RARB: variants seen among roughly 807,000 people sequenced by gnomAD.
RARB encodes retinoic acid receptor beta.
A neutral mutation model predicts 51.9 loss-of-function variants in RARB; 17 were observed. The ratio of observed to expected loss-of-function variants is 0.33; its 90% CI spans 0.22 to 0.49. RARB has a LOEUF of 0.49. RARB is among the 20% of genes least tolerant of loss of function. The pLI, the probability that RARB is intolerant of heterozygous loss-of-function variation, is 0.99. For missense variants in RARB, 369 were observed against 550.8 expected, an observed-to-expected ratio of 0.67 and a Z score of 3.30; for synonymous variants, 215 against 195.4, an observed-to-expected ratio of 1.10 and a Z score of -0.84.
At chr3:25,490,061 A>G (rs1177512533) in intron 2 of RARB, among the ~76,000 whole-genome samples, 1 of 152,218 alleles carries the variant, frequency 6.6e-6, no homozygotes, top group Non-Finnish European at 1.5e-5. Flanking sequence ...GCAGAAGGCT[A>G]CATCCAATAA....
chr3:24,844,313 G>T (rs1369113702), intron 1 of RARB, among the ~76,000 whole-genome samples: 1 of 152,210 alleles, frequency 6.6e-6, no homozygotes, highest in Non-Finnish European at 1.5e-5. Context: ...GCCTGGCAAG[G>T]CTGGTGCCAC....
chr3:25,147,058 G>C (rs1390745441), intron 4 of RARB, among the ~76,000 whole-genome samples: 1 of 152,132 alleles, frequency 6.6e-6, no homozygotes, highest in Non-Finnish European at 1.5e-5. Flanking sequence ...CTCTCCAGAT[G>C]ATTCTAGTGA....
chr3:24,902,444 A>G (rs780302829), intron 2 of RARB, among the ~76,000 whole-genome samples: 1 of 152,118 alleles, frequency 6.6e-6, no homozygotes, highest in Non-Finnish European at 1.5e-5. Context: ...GAAGAAAGGA[A>G]GAGTTTTCAC....
chr3:25,400,127 T>C (rs1269373522), intron 5 of RARB, among the ~76,000 whole-genome samples: 2 of 152,174 alleles, frequency 1.3e-5, no homozygotes, highest in East Asian at 1.9e-4. Flanking sequence ...CAGATCATTC[T>C]TGATTGTGCA....
intron 5 of RARB, among the ~76,000 whole-genome samples, chr3:25,311,682 A>G (rs1410394577): frequency 6.6e-6 from 1 of 152,206 alleles, no homozygotes; most frequent in Non-Finnish European, 1.5e-5. Context: ...TGTTCAGAGA[A>G]GGGAAATATG....
intron 2 of RARB, among the ~76,000 whole-genome samples, chr3:25,019,463 G>A (rs1697581286): frequency 6.6e-6 from 1 of 152,026 alleles, no homozygotes; most frequent in Admixed American, 6.6e-5. Context: ...CTATGAGAGT[G>A]CCAGTGATGC....
chr3:25,362,899 C>G (rs1278199554), intron 5 of RARB, among the ~76,000 whole-genome samples: 3 of 152,192 alleles, frequency 2.0e-5, no homozygotes, highest in Non-Finnish European at 2.9e-5. Flanking sequence ...GAGCTGCAGA[C>G]TGGAGCTGTT....
intron 3 of RARB, among the ~76,000 whole-genome samples, chr3:25,502,726 C>A (rs1697379267): frequency 6.6e-6 from 1 of 152,150 alleles, no homozygotes; most frequent in Non-Finnish European, 1.5e-5. Context: ...CAGGAGTACC[C>A]TTCCCTCCAT....
intron 2 of RARB, among the ~76,000 whole-genome samples, chr3:24,960,413 A>AT (rs957231286): frequency 1.3e-5 from 2 of 152,114 alleles, no homozygotes; most frequent in African/African-American, 4.8e-5. Context: ...CACTGAAAAT[A>AT]TTTTCTCCCA....
intron 2 of RARB, among the ~76,000 whole-genome samples, chr3:24,898,460 G>T (rs1703526591): frequency 6.6e-6 from 1 of 151,710 alleles, no homozygotes; most frequent in Admixed American, 6.6e-5. Flanking sequence ...TTTAATATTT[G>T]TTACATGATT....
intron 4 of RARB, among the ~76,000 whole-genome samples, chr3:25,146,511 G>GTTTTTTTTT (rs1197635626): frequency 1.5e-5 from 2 of 134,520 alleles, no homozygotes; most frequent in Non-Finnish European, 1.6e-5. Context: ...TTGTTTGTTT[G>GTTTTTTTTT]TTTTTTTTTT....
chr3:24,953,618 TGATA>T (rs1695945789), intron 2 of RARB, among the ~76,000 whole-genome samples: 1 of 152,202 alleles, frequency 6.6e-6, no homozygotes, highest in Non-Finnish European at 1.5e-5. Flanking sequence ...GATAGCTAGA[TGATA>T]GATAGACACT....
At chr3:25,104,266 A>G (rs1406793002) in intron 3 of RARB, among the ~76,000 whole-genome samples, 1 of 152,296 alleles carries the variant, frequency 6.6e-6, no homozygotes, top group African/African-American at 2.4e-5. Context: ...GCACCCATAC[A>G]TTGTTGATGG....
chr3:25,077,474 G>T (rs1603990), intron 3 of RARB, among the ~76,000 whole-genome samples: 109,423 of 151,972 alleles, frequency 0.72, 40,175 homozygotes, highest in East Asian at 0.84. Flanking sequence ...TGTATCTATC[G>T]CAGTATAATA....
intron 5 of RARB, among the ~76,000 whole-genome samples, chr3:25,264,771 C>T (rs144074342): frequency 6.6e-6 from 1 of 152,116 alleles, no homozygotes; most frequent in Admixed American, 6.6e-5. Flanking sequence ...TGTATACACA[C>T]TTTTCTCCTT....
intron 3 of RARB, among the ~76,000 whole-genome samples, chr3:25,067,350 C>CTAGAGAA: frequency 6.6e-6 from 1 of 152,102 alleles, no homozygotes; most frequent in East Asian, 1.9e-4. Flanking sequence ...ACTTGGAAAA[C>CTAGAGAA]TAGAGAATAT....
intron 5 of RARB, among the ~76,000 whole-genome samples, chr3:25,381,059 A>G (rs1012316825): frequency 4.0e-5 from 6 of 151,448 alleles, no homozygotes; most frequent in Admixed American, 6.6e-5. Flanking sequence ...CCGTTTTTCT[A>G]TTTGTCAAGT....
At chr3:25,496,020 A>C (rs1697012673) in intron 2 of RARB, among the ~76,000 whole-genome samples, 1 of 152,340 alleles carries the variant, frequency 6.6e-6, no homozygotes, top group Non-Finnish European at 1.5e-5. Flanking sequence ...TGTGTCTGCT[A>C]CTAACAGCTG....
In RARB at chr3:25,293,923, C is replaced by T. The variant is rs188261788; in HGVS notation, c.178+119348C>T. 2.8e-4 allele frequency among the ~76,000 whole-genome samples: 42 copies of T among 152,290 alleles called. No individual in the cohort carries two copies. The East Asian group carries it at 7.7e-3, about 28-fold the overall frequency. On this transcript the variant is annotated intron_variant, in intron 5 of 11. Coordinates refer to the RARB transcript ENST00000383772. ...TGTGTCGTAACTGGGAGTGGCTACT[C>T]ATGGCTCATCGGTTGTCTGCACCCT...
Sources: gnomAD v4.1 joint callset for allele counts (sites outside exome capture counted in the v4.1 genomes callset) on GRCh38, gnomAD v4.1.1 for gene constraint, MANE v1.5 for transcripts, NCBI Gene and HGNC (gene_info 2026-07-23, HGNC 2026-07-21) for gene names.